The following PHF8 variants were observed in gnomAD, a reference collection of about 807,000 sequenced individuals.
PHF8 encodes the protein histone lysine demethylase PHF8.
In PHF8, 9 loss-of-function variants were observed where a neutral mutation model predicts 74.4. The ratio of observed to expected loss-of-function variants is 0.12; its 90% CI spans 0.07 to 0.21. The LOEUF (loss-of-function observed/expected upper bound fraction) is 0.21. Ranked by LOEUF, PHF8 falls within the 10% of genes least tolerant of loss-of-function variation. PHF8 has a pLI of 1.00. For synonymous variants in PHF8, 311 were observed against 316.6 expected, an observed-to-expected ratio of 0.98 and a Z score of 0.19; for missense variants, 478 against 816.6, an observed-to-expected ratio of 0.59 and a Z score of 5.05.
chrX:53,948,443 T>C (rs1280060968), intron 19 of PHF8, among the ~76,000 whole-genome samples: 1 of 110,490 alleles, frequency 9.1e-6, no homozygotes, highest in African/African-American at 3.3e-5. Flanking sequence ...CGGCTAATTT[T>C]TGTATTTTTA....
intron 20 of PHF8, among the ~76,000 whole-genome samples, chrX:53,940,886 A>C (rs1389366269): frequency 1.7e-4 from 19 of 112,437 alleles, no homozygotes; most frequent in Non-Finnish European, 2.8e-4. Flanking sequence ...ACTTTATCTC[A>C]TTTAATCCTC....
At chrX:53,981,822 C>T (rs2065483970) in intron 18 of PHF8, among the ~76,000 whole-genome samples, 1 of 111,610 alleles carries the variant, frequency 9.0e-6, no homozygotes, top group African/African-American at 3.3e-5. Flanking sequence ...TTTTAGTGCA[C>T]AAATTTTCAG....
At chrX:53,965,495 C>A (rs1313113903) in intron 18 of PHF8, among the ~76,000 whole-genome samples, 2 of 112,654 alleles carry the variant, frequency 1.8e-5, no homozygotes, top group Non-Finnish European at 3.7e-5. Context: ...AAAAATTAGC[C>A]ACGCGTGGTA....
upstream of PHF8, among the ~76,000 whole-genome samples, chrX:54,044,683 G>C (rs1468670202): frequency 8.9e-6 from 1 of 112,976 alleles, no homozygotes; most frequent in Non-Finnish European, 1.9e-5. Flanking sequence ...GCTCCATTTT[G>C]AGTGGGGCCC....
chrX:53,964,868 C>CAAAAAAAAA (rs782274910), intron 18 of PHF8, among the ~76,000 whole-genome samples: 32 of 37,553 alleles, frequency 8.5e-4, no homozygotes, highest in Non-Finnish European at 1.0e-3. Context: ...AACTCTGCCT[C>CAAAAAAAAA]AAAAAAAAAA....
chrX:54,027,236 G>A (rs984757780), intron 2 of PHF8, among the ~76,000 whole-genome samples: 1 of 105,863 alleles, frequency 9.4e-6, no homozygotes, highest in African/African-American at 3.4e-5. Flanking sequence ...AGACCTACCC[G>A]CCCTCCCATC....
chrX:53,947,701 T>G (rs1395413090), intron 19 of PHF8, among the ~76,000 whole-genome samples: 1 of 112,328 alleles, frequency 8.9e-6, no homozygotes, highest in African/African-American at 3.2e-5. Context: ...TAGAATATGG[T>G]ATAAATGACA....
intron 2 of PHF8, among the ~76,000 whole-genome samples, chrX:54,041,602 C>T (rs1326425357): frequency 2.7e-5 from 3 of 111,107 alleles, no homozygotes; most frequent in African/African-American, 9.8e-5. Context: ...ATCGTACACA[C>T]TAACCTCTCC....
chrX:54,045,420 C>A (rs1288009237), upstream of PHF8, among the ~76,000 whole-genome samples: 1 of 112,711 alleles, frequency 8.9e-6, no homozygotes, highest in Non-Finnish European at 1.9e-5. Context: ...ACACAATTTA[C>A]TAACCAGTGA....
chrX:53,975,901 T>C (rs979763444), intron 18 of PHF8, among the ~76,000 whole-genome samples: 1 of 112,043 alleles, frequency 8.9e-6, no homozygotes, highest in Non-Finnish European at 1.9e-5. Context: ...GGTTTGATGA[T>C]AGATATATCA....
chrX:53,996,796 C>T (rs1359073392), intron 11 of PHF8, among the ~76,000 whole-genome samples: 2 of 111,942 alleles, frequency 1.8e-5, no homozygotes, highest in Non-Finnish European at 3.8e-5. Context: ...ATCCACCCGC[C>T]TCGGCCTTCC....
At chrX:54,012,796 C>T (rs2066002142) in intron 7 of PHF8, among the ~76,000 whole-genome samples, 1 of 109,898 alleles carries the variant, frequency 9.1e-6, no homozygotes, top group Admixed American at 9.8e-5. Context: ...TTTAATTAGC[C>T]AGAAGTGGTG....
At chrX:54,028,022 T>C (rs1442653105) in intron 2 of PHF8, among the ~76,000 whole-genome samples, 1 of 90,069 alleles carries the variant, frequency 1.1e-5, no homozygotes, top group African/African-American at 4.5e-5. Flanking sequence ...ACACACACAA[T>C]GGGGGGGCCA....
At chrX:53,983,233 C>T (rs1358537334) in intron 18 of PHF8, among the ~76,000 whole-genome samples, 1 of 109,590 alleles carries the variant, frequency 9.1e-6, no homozygotes, top group Non-Finnish European at 1.9e-5. Flanking sequence ...CATCTACATG[C>T]TAGAAAGACA....
intron 17 of PHF8, 30 bp from the exon 18 acceptor site, chrX:53,985,257 G>A: frequency 9.0e-7 from 1 of 1,114,307 alleles, no homozygotes; most frequent in Non-Finnish European, 1.2e-6. Context: ...AATACTGAGA[G>A]AGTTGTTTTT....
Position 54,031,500 on chromosome X carries a change from A to G in PHF8, c.99-8657T>C, listed in dbSNP as rs782523223. Reference sequence around the variant, plus strand: ...AGTGTCTCCTTTATGAGTTTGTCATATAACAGGTTTCACTGAATTCTGGAT... The same window carrying G: ...AGTGTCTCCTTTATGAGTTTGTCATGTAACAGGTTTCACTGAATTCTGGAT... On this transcript the variant is annotated intron_variant, in intron 2 of 21. Transcript: ENST00000338154. Among the ~76,000 whole-genome samples the G allele has an allele frequency of 7.4e-5, 8 of 108,776 alleles. No homozygotes were observed. The South Asian group carries it at 1.6e-3, about 22-fold the overall frequency. 94.5% of individuals were successfully genotyped at this position (108,776 alleles called of 115,157 possible).
At chrX:54,038,697 C>T (rs1161987775) in intron 2 of PHF8, among the ~76,000 whole-genome samples, 1 of 112,380 alleles carries the variant, frequency 8.9e-6, no homozygotes, top group African/African-American at 3.2e-5. Flanking sequence ...TTCAAATCCA[C>T]ACTCAGAAAG....
At chrX:54,043,055 C>G (rs2066591014) in intron 1 of PHF8, 1 of 544,376 alleles carries the variant, frequency 1.8e-6, no homozygotes, top group Non-Finnish European at 2.5e-6. Flanking sequence ...CCCCACCCCC[C>G]ACCTTCTTCG....
intron 2 of PHF8, among the ~76,000 whole-genome samples, chrX:54,031,573 T>C (rs1318465111): frequency 2.2e-4 from 24 of 106,783 alleles, no homozygotes; most frequent in Middle Eastern, 4.8e-3. Flanking sequence ...ACAGACAGAC[T>C]GTTCTATCTC....
Sources: allele counts gnomAD v4.1 joint callset (sites outside exome capture counted in the v4.1 genomes callset), GRCh38; gene constraint gnomAD v4.1.1; transcripts MANE v1.5; gene names NCBI Gene and HGNC (gene_info 2026-07-23, HGNC 2026-07-21).